ALK: variants seen among roughly 807,000 people sequenced by gnomAD.
ALK encodes the protein ALK receptor tyrosine kinase.
ALK carries 74 observed loss-of-function variants against 163.1 expected under a neutral mutation model. The observed-to-expected ratio is 0.45, with a 90% CI of 0.38 to 0.55. ALK has a LOEUF of 0.55. Among genes scored for constraint, ALK ranks in the 20% least tolerant of loss-of-function variants. The pLI is 0.00. For synonymous variants in ALK, 960 were observed against 843.2 expected (o/e 1.14, Z -2.40); for missense variants, 2,063 against 2,105.3 (o/e 0.98, Z 0.39).
At chr2:29,714,221 T>C (rs1679185842) in intron 2 of ALK, among the ~76,000 whole-genome samples, 1 of 152,162 alleles carries the variant, frequency 6.6e-6, no homozygotes, top group African/African-American at 2.4e-5. Context: ...GGGAGGAATG[T>C]GCAGCCCTCT....
chr2:29,550,424 T>C (rs1361426110), intron 3 of ALK, among the ~76,000 whole-genome samples: 1 of 152,182 alleles, frequency 6.6e-6, no homozygotes, highest in African/African-American at 2.4e-5. Context: ...AGATGGTATA[T>C]TGCTTTTATT....
chr2:29,386,495 A>G (rs1463841093), intron 4 of ALK, among the ~76,000 whole-genome samples: 2 of 152,242 alleles, frequency 1.3e-5, no homozygotes, highest in African/African-American at 4.8e-5. Flanking sequence ...TTCTTCTGAA[A>G]AATAAAGGAC....
chr2:29,558,089 C>T (rs1444708686), intron 3 of ALK, among the ~76,000 whole-genome samples: 2 of 152,184 alleles, frequency 1.3e-5, no homozygotes, highest in East Asian at 3.9e-4. Flanking sequence ...CCAACTAAAT[C>T]TTCTGTAAAA....
intron 4 of ALK, among the ~76,000 whole-genome samples, chr2:29,401,291 G>T (rs1414848680): frequency 6.6e-6 from 1 of 152,092 alleles, no homozygotes; most frequent in Non-Finnish European, 1.5e-5. Context: ...GGTGGTGAGA[G>T]TCTCTTTCGA....
intron 2 of ALK, among the ~76,000 whole-genome samples, chr2:29,705,289 A>ATATC (rs1678875518): frequency 5.1e-5 from 6 of 117,954 alleles, no homozygotes; most frequent in African/African-American, 1.6e-4. Context: ...ATAAATATAT[A>ATATC]TCTGCTGTGA....
chr2:29,555,957 T>A (rs555765795), intron 3 of ALK, among the ~76,000 whole-genome samples: 1 of 152,216 alleles, frequency 6.6e-6, no homozygotes, highest in Non-Finnish European at 1.5e-5. Context: ...AAAAGTATAA[T>A]CTTGTGTAGA....
At chr2:29,275,598 G>A (rs1665521681) in intron 9 of ALK, 102 bp from the exon 10 acceptor site, 1 of 1,261,042 alleles carries the variant, frequency 7.9e-7, no homozygotes, top group African/African-American at 1.5e-5. Flanking sequence ...CTCAGAATGT[G>A]AGTTTGAAAA....
chr2:29,775,575 G>T (rs1294543664), intron 1 of ALK, among the ~76,000 whole-genome samples: 1 of 151,338 alleles, frequency 6.6e-6, no homozygotes, highest in Non-Finnish European at 1.5e-5. Flanking sequence ...GAAATCAAAA[G>T]AGAGAATGGG....
At chr2:29,215,457 CCA>C (rs1181225426) in intron 23 of ALK, among the ~76,000 whole-genome samples, 1 of 152,138 alleles carries the variant, frequency 6.6e-6, no homozygotes, top group African/African-American at 2.4e-5. Flanking sequence ...CTTACATGCC[CCA>C]GAGCACATAC....
chr2:29,532,147 G>A (rs768543879), intron 3 of ALK, 31 bp from the exon 4 acceptor site: 2 of 1,604,342 alleles, frequency 1.2e-6, no homozygotes, highest in Admixed American at 1.7e-5. Context: ...CGAATCTGCA[G>A]ATGTGTTCAG....
At chr2:29,348,876 T>A (rs1402575259) in intron 5 of ALK, among the ~76,000 whole-genome samples, 1 of 152,226 alleles carries the variant, frequency 6.6e-6, no homozygotes. Context: ...GGGACCCAGA[T>A]TCAATCAGGA....
At chr2:29,774,150 G>C (rs1274702859) in intron 1 of ALK, among the ~76,000 whole-genome samples, 2 of 152,138 alleles carry the variant, frequency 1.3e-5, no homozygotes, top group African/African-American at 4.8e-5. Flanking sequence ...TTACAAACAG[G>C]ATGCTTAATT....
intron 5 of ALK, among the ~76,000 whole-genome samples, chr2:29,352,669 C>T (rs962984883): frequency 1.3e-5 from 2 of 152,202 alleles, no homozygotes; most frequent in Non-Finnish European, 2.9e-5. Context: ...GATCCATCTG[C>T]AGAGGAATTG....
At chr2:29,493,808 T>C (rs1671958782) in intron 4 of ALK, among the ~76,000 whole-genome samples, 1 of 152,216 alleles carries the variant, frequency 6.6e-6, no homozygotes, top group South Asian at 2.1e-4. Context: ...TCCCTGGAGG[T>C]ACCATGCGAA....
intron 26 of ALK, among the ~76,000 whole-genome samples, chr2:29,205,480 T>TGACA (rs1249226347): frequency 9.8e-5 from 15 of 152,320 alleles, no homozygotes; most frequent in Non-Finnish European, 2.1e-4. Context: ...GTTCATTCTC[T>TGACA]GACAGTTCTG....
chr2:29,666,779 T>A (rs1677525326), intron 3 of ALK, among the ~76,000 whole-genome samples: 1 of 152,064 alleles, frequency 6.6e-6, no homozygotes, highest in African/African-American at 2.4e-5. Flanking sequence ...TACAGTTAAG[T>A]GGTAATAACT....
chr2:29,626,211 G>T (rs559954282), intron 3 of ALK, among the ~76,000 whole-genome samples: 5 of 152,100 alleles, frequency 3.3e-5, no homozygotes, highest in Non-Finnish European at 5.9e-5. Context: ...GGTCATGAGA[G>T]TAGGGACTTT....
chr2:29,326,270 T>C (rs752921978), intron 6 of ALK, among the ~76,000 whole-genome samples: 3 of 152,120 alleles, frequency 2.0e-5, no homozygotes, highest in Non-Finnish European at 2.9e-5. Flanking sequence ...CCTGAGCCCA[T>C]AGTAATGGAC....
intron 1 of ALK, among the ~76,000 whole-genome samples, chr2:29,736,708 T>C (rs1022218580): frequency 6.6e-6 from 1 of 151,978 alleles, no homozygotes; most frequent in Non-Finnish European, 1.5e-5. Flanking sequence ...GAATGAGTGA[T>C]TTTATCTTGC....
Sources: gnomAD v4.1 joint callset for allele counts (sites outside exome capture counted in the v4.1 genomes callset) on GRCh38, gnomAD v4.1.1 for gene constraint, MANE v1.5 for transcripts, NCBI Gene and HGNC (gene_info 2026-07-23, HGNC 2026-07-21) for gene names.